Variants in PPM1A observed in about 807,000 individuals in gnomAD.
PPM1A encodes the protein protein phosphatase, Mg2+/Mn2+ dependent 1A, also known as protein phosphatase 1A.
Under a neutral mutation model 35.0 loss-of-function variants are expected in PPM1A, and 7 were observed. The observed-to-expected ratio is 0.20, with a 90% CI of 0.11 to 0.38. The LOEUF (loss-of-function observed/expected upper bound fraction) is 0.38. PPM1A is among the 10% of genes least tolerant of loss of function. The pLI, the probability that PPM1A is intolerant of heterozygous loss-of-function variation, is 1.00. For synonymous variants in PPM1A, 153 were observed against 167.3 expected, an observed-to-expected ratio of 0.91 and a Z score of 0.66; for missense variants, 239 against 467.8, an observed-to-expected ratio of 0.51 and a Z score of 4.51.
intron 3 of PPM1A, chr14:60,286,993 T>TC (rs777178928): frequency 4.3e-5 from 38 of 892,964 alleles, no homozygotes; most frequent in Non-Finnish European, 4.7e-5. Flanking sequence ...AATCATTGGT[T>TC]CAAACTATTG....
intron 1 of PPM1A, among the ~76,000 whole-genome samples, chr14:60,268,627 ATTTTCT>A (rs1473058409): frequency 6.9e-6 from 1 of 145,184 alleles, no homozygotes; most frequent in Non-Finnish European, 1.5e-5. Flanking sequence ...TAGTATACTG[ATTTTCT>A]TTAGTATACT....
intron 1 of PPM1A, among the ~76,000 whole-genome samples, chr14:60,255,080 G>A (rs1415816154): frequency 6.6e-6 from 1 of 150,764 alleles, no homozygotes; most frequent in African/African-American, 2.4e-5. Context: ...CTTCCACAAA[G>A]TCATCTCTGA....
At chr14:60,261,313 G>A (rs7155841) in intron 1 of PPM1A, among the ~76,000 whole-genome samples, 117,634 of 152,020 alleles carry the variant, frequency 0.77, 46,553 homozygotes, top group African/African-American at 0.92. Flanking sequence ...GTTTTAAGAG[G>A]GAATAAAACC....
At chr14:60,274,909 A>T (rs180903969) in intron 1 of PPM1A, among the ~76,000 whole-genome samples, 9 of 150,758 alleles carry the variant, frequency 6.0e-5, no homozygotes, top group East Asian at 5.8e-4. Context: ...CTTCTGAATT[A>T]AAAAAAAAGT....
intron 1 of PPM1A, among the ~76,000 whole-genome samples, chr14:60,269,338 C>G (rs1884790668): frequency 2.0e-5 from 3 of 152,088 alleles, no homozygotes; most frequent in Admixed American, 1.3e-4. Flanking sequence ...ATGGATAACA[C>G]TACTTTAGTG....
At chr14:60,255,901 T>C (rs1340965829) in intron 1 of PPM1A, among the ~76,000 whole-genome samples, 10 of 152,238 alleles carry the variant, frequency 6.6e-5, no homozygotes, top group African/African-American at 2.4e-4. Flanking sequence ...CATATCTCTT[T>C]TCAGAGTATT....
chr14:60,288,315 C>T, intron 3 of PPM1A: 9 of 962,912 alleles, frequency 9.3e-6, no homozygotes, highest in Non-Finnish European at 9.9e-6. Flanking sequence ...AGACCTGAAA[C>T]TATTGATTCA....
intron 1 of PPM1A, among the ~76,000 whole-genome samples, chr14:60,253,057 A>G (rs997235797): frequency 6.6e-6 from 1 of 152,214 alleles, no homozygotes; most frequent in Non-Finnish European, 1.5e-5. Context: ...AATGTGTATC[A>G]GTAAACTAGA....
intron 1 of PPM1A, among the ~76,000 whole-genome samples, chr14:60,275,259 A>G (rs764942847): frequency 6.6e-6 from 1 of 151,686 alleles, no homozygotes; most frequent in Non-Finnish European, 1.5e-5. Flanking sequence ...CTCATTTGCA[A>G]GGATACAGGA....
At chr14:60,260,001 A>C (rs1883563634) in intron 1 of PPM1A, among the ~76,000 whole-genome samples, 1 of 152,102 alleles carries the variant, frequency 6.6e-6, no homozygotes, top group Non-Finnish European at 1.5e-5. Flanking sequence ...AGAACATCAA[A>C]AGTGGCAAGG....
chr14:60,254,614 G>A (rs1044668043), intron 1 of PPM1A, among the ~76,000 whole-genome samples: 19 of 152,274 alleles, frequency 1.2e-4, no homozygotes, highest in Non-Finnish European at 2.5e-4. Context: ...TATAAAAGGC[G>A]TTAAGGCTTT....
chr14:60,291,692 C>A (rs1887648060), intron 5 of PPM1A, among the ~76,000 whole-genome samples: 2 of 150,572 alleles, frequency 1.3e-5, no homozygotes, highest in South Asian at 4.2e-4. Flanking sequence ...TTGAATTATT[C>A]TAGATTTTTT....
In PPM1A at chr14:60,255,588, T is replaced by G. The variant is rs186435558; in HGVS notation, c.-21+5911T>G. ...GGCTAGCGGCTAGCACAGTGCTTTA[T>G]GGATAGTAGACATTCAGATATTTGG... On this transcript the variant is annotated intron_variant, in intron 1 of 5. Coordinates refer to ENST00000395076, the MANE Select transcript of PPM1A (RefSeq NM_021003.5). 2.3e-3 allele frequency among the ~76,000 whole-genome samples: 346 copies of G among 152,352 alleles called. 2 individuals carry two copies. The highest frequency in any genetic ancestry group is 8.1e-3 in the African/African-American group (335 of 41,578).
chr14:60,249,880 C>T lies in PPM1A; in HGVS notation c.-21+203C>T, dbSNP rs1481064493. On this transcript the variant is annotated intron_variant, in intron 1 of 5. Transcript: ENST00000395076. This position sits in a 1 kb window ranked among gnomAD's most constrained non-coding sequence, Gnocchi z 4.5. ...GCGAGGGGTTAACGCTCGGCGAGGG[C>T]GGTGGCGGGGAGGCGGGGGCGGGGT... 6.7e-6 allele frequency among the ~76,000 whole-genome samples: 1 copy of T among 148,318 alleles called. No homozygotes were observed. The highest frequency in any genetic ancestry group is 2.5e-5 in the African/African-American group (1 of 40,808).
chr14:60,282,551 A>G lies in PPM1A; in HGVS notation c.-20-133A>G, dbSNP rs1886531573. 1.7e-6 allele frequency: 2 copies of G among 1,149,958 alleles called. No individual in the cohort carries two copies. Among genetic ancestry groups the G allele is most frequent in the African/African-American group, 1.6e-5 (1 of 64,008 alleles). The allele number at this position is 1,149,958 out of a possible 1,614,324, so 71.2% of individuals were successfully genotyped here. On this transcript the variant is annotated intron_variant, in intron 1 of 5. Transcript: ENST00000395076. This position sits in a 1 kb window ranked among gnomAD's most constrained non-coding sequence, Gnocchi z 5.1. The stretch of plus-strand genomic sequence containing the variant: ...CTTGTTAATCTCCAGATTCCAAGTC[A>G]GCAACACAATGAATGTCTGCTTATC...
chr14:60,265,981 A>T (rs192108955), intron 1 of PPM1A, among the ~76,000 whole-genome samples: 1 of 152,198 alleles, frequency 6.6e-6, no homozygotes. Context: ...TTTAAAATCA[A>T]TGTATATCCT....
At chr14:60,250,961 T>G (rs143258039) in intron 1 of PPM1A, among the ~76,000 whole-genome samples, 63 of 152,374 alleles carry the variant, frequency 4.1e-4, no homozygotes, top group African/African-American at 1.5e-3. Context: ...TAACTCCTTA[T>G]TTTACAAATG....
At chr14:60,270,353 G>A (rs1029238425) in intron 1 of PPM1A, among the ~76,000 whole-genome samples, 1 of 151,886 alleles carries the variant, frequency 6.6e-6, no homozygotes, top group African/African-American at 2.4e-5. Flanking sequence ...TTATATGTAA[G>A]TTGTCACCTA....
intron 1 of PPM1A, chr14:60,268,242 CTG>C: frequency 1.0e-6 from 1 of 957,058 alleles, no homozygotes; most frequent in Non-Finnish European, 1.2e-6. Flanking sequence ...TTCATGAGCT[CTG>C]AAGTTTTTTG....
Sources: gnomAD v4.1 joint callset for allele counts (sites outside exome capture counted in the v4.1 genomes callset) on GRCh38, gnomAD v4.1.1 for gene constraint, Gnocchi (gnomAD v3.1) non-coding constraint, MANE v1.5 for transcripts, NCBI Gene and HGNC (gene_info 2026-07-23, HGNC 2026-07-21) for gene names.